SSBP2: variants seen among roughly 807,000 people sequenced by gnomAD.
SSBP2 encodes the protein single-stranded DNA-binding protein 2.
Under a neutral mutation model 61.8 loss-of-function variants are expected in SSBP2, and 17 were observed. That is an observed-to-expected ratio of 0.28 (90% CI 0.19 to 0.41). The LOEUF (loss-of-function observed/expected upper bound fraction) is 0.41, where lower values mean the gene tolerates loss of function less well. Among genes scored for constraint, SSBP2 ranks in the 10% least tolerant of loss-of-function variants. SSBP2 has a pLI of 1.00. For missense variants in SSBP2, 310 were observed against 458.7 expected (o/e 0.68, Z 2.96); for synonymous variants, 139 against 141.3 (o/e 0.98, Z 0.12).
At chr5:81,710,691 C>T (rs780401932) in intron 1 of SSBP2, 19 of 453,850 alleles carry the variant, frequency 4.2e-5, no homozygotes, top group Middle Eastern at 3.2e-4. Flanking sequence ...CAATATAATA[C>T]GAATGAATAC....
At chr5:81,631,812 AT>A (rs1053746024) in intron 3 of SSBP2, among the ~76,000 whole-genome samples, 1 of 152,188 alleles carries the variant, frequency 6.6e-6, no homozygotes, top group Admixed American at 6.5e-5. Flanking sequence ...ATAAGAACTA[AT>A]TTTTTGAACC....
At chr5:81,537,708 T>C (rs1165325945) in intron 4 of SSBP2, among the ~76,000 whole-genome samples, 1 of 152,098 alleles carries the variant, frequency 6.6e-6, no homozygotes, top group African/African-American at 2.4e-5. Context: ...GATGTTACTA[T>C]TGTAGGACAC....
At chr5:81,509,685 C>T (rs773505633) in intron 5 of SSBP2, among the ~76,000 whole-genome samples, 2 of 152,040 alleles carry the variant, frequency 1.3e-5, no homozygotes, top group Non-Finnish European at 2.9e-5. Context: ...GAAAAAAGTA[C>T]TTGGGATTAG....
At chr5:81,660,278 A>C (rs576292961) in intron 1 of SSBP2, among the ~76,000 whole-genome samples, 1 of 152,298 alleles carries the variant, frequency 6.6e-6, no homozygotes, top group African/African-American at 2.4e-5. Context: ...CATCTGACAA[A>C]GGTCTACCAG....
At chr5:81,712,917 G>A (rs541971182) in intron 1 of SSBP2, among the ~76,000 whole-genome samples, 7 of 151,502 alleles carry the variant, frequency 4.6e-5, no homozygotes, top group Admixed American at 2.0e-4. Context: ...TTGTAGAGAC[G>A]GAGTTTCACC....
intron 6 of SSBP2, among the ~76,000 whole-genome samples, chr5:81,487,651 ATATT>A (rs1377273168): frequency 6.6e-6 from 1 of 151,976 alleles, no homozygotes; most frequent in Non-Finnish European, 1.5e-5. Context: ...AAGATTCTAT[ATATT>A]TAAGTTGTAT....
At chr5:81,685,933 A>G (rs1354026404) in intron 1 of SSBP2, among the ~76,000 whole-genome samples, 2 of 152,244 alleles carry the variant, frequency 1.3e-5, no homozygotes, top group Admixed American at 1.3e-4. Flanking sequence ...CCAAAAGTAC[A>G]TTAACTGGAA....
At chr5:81,641,747 C>A (rs934358341) in intron 2 of SSBP2, among the ~76,000 whole-genome samples, 1 of 152,162 alleles carries the variant, frequency 6.6e-6, no homozygotes, top group Non-Finnish European at 1.5e-5. Context: ...GCCTGAGAAA[C>A]ATTCACTAGT....
chr5:81,702,487 T>C (rs963624029), intron 1 of SSBP2, among the ~76,000 whole-genome samples: 2 of 152,160 alleles, frequency 1.3e-5, no homozygotes, highest in African/African-American at 4.8e-5. Context: ...TGCAAAGCAA[T>C]AGAAACAAAA....
intron 1 of SSBP2, among the ~76,000 whole-genome samples, chr5:81,698,135 T>C (rs557476310): frequency 6.6e-6 from 1 of 152,142 alleles, no homozygotes; most frequent in South Asian, 2.1e-4. Flanking sequence ...ACAAAGAAAA[T>C]ACACTGAAAG....
At chr5:81,450,594 TG>T (rs1297336093) in intron 10 of SSBP2, among the ~76,000 whole-genome samples, 1 of 152,224 alleles carries the variant, frequency 6.6e-6, no homozygotes, top group Admixed American at 6.5e-5. Context: ...AACTCTTTAC[TG>T]AACAACTAAC....
intron 4 of SSBP2, among the ~76,000 whole-genome samples, chr5:81,562,685 T>C (rs939036033): frequency 6.6e-5 from 10 of 152,178 alleles, no homozygotes; most frequent in African/African-American, 2.4e-4. Context: ...GAAAGTTTAT[T>C]AAAAAGCAGA....
intron 1 of SSBP2, among the ~76,000 whole-genome samples, chr5:81,750,228 G>T (rs1397006107): frequency 6.7e-6 from 1 of 149,062 alleles, no homozygotes; most frequent in East Asian, 2.0e-4. Context: ...CGGCGTCTCC[G>T]GCGCCCACCC....
intron 4 of SSBP2, among the ~76,000 whole-genome samples, chr5:81,552,801 G>A (rs978840680): frequency 2.0e-5 from 3 of 152,046 alleles, no homozygotes; most frequent in African/African-American, 7.2e-5. Flanking sequence ...CTCAAATAGT[G>A]ATAGACTTTT....
intron 5 of SSBP2, among the ~76,000 whole-genome samples, chr5:81,502,928 C>G (rs911678537): frequency 6.6e-6 from 1 of 152,112 alleles, no homozygotes; most frequent in African/African-American, 2.4e-5. Context: ...TGACAAAGGT[C>G]TAATATCCAC....
intron 4 of SSBP2, among the ~76,000 whole-genome samples, chr5:81,563,952 A>C (rs1773240740): frequency 1.3e-5 from 2 of 152,216 alleles, no homozygotes; most frequent in African/African-American, 2.4e-5. Flanking sequence ...AACCCATGGA[A>C]TGGAAGAAAA....
At chr5:81,647,044 G>C (rs2153701667) in intron 2 of SSBP2, among the ~76,000 whole-genome samples, 1 of 152,204 alleles carries the variant, frequency 6.6e-6, no homozygotes, top group African/African-American at 2.4e-5. Context: ...AAGAACTCTA[G>C]GATGTACTCA....
At chr5:81,747,197 G>A (rs1290945082) in intron 1 of SSBP2, among the ~76,000 whole-genome samples, 1 of 152,184 alleles carries the variant, frequency 6.6e-6, no homozygotes, top group Non-Finnish European at 1.5e-5. Flanking sequence ...ATCTGATTAT[G>A]TAATGCTGTT....
At chr5:81,442,599 C>A in intron 13 of SSBP2, 54 bp downstream of exon 13, 1 of 957,580 alleles carries the variant, frequency 1.0e-6, no homozygotes, top group Non-Finnish European at 1.6e-6. Flanking sequence ...GGAATGCACT[C>A]AGAGTTTGAA....
Sources: allele counts gnomAD v4.1 joint callset (sites outside exome capture counted in the v4.1 genomes callset), GRCh38; gene constraint gnomAD v4.1.1; transcripts MANE v1.5; gene names NCBI Gene and HGNC (gene_info 2026-07-23, HGNC 2026-07-21).